The following FCRL3 variants were observed in gnomAD, a reference collection of about 807,000 sequenced individuals.
FCRL3 encodes Fc receptor like 3.
FCRL3 carries 89 observed loss-of-function variants against 75.0 expected under a neutral mutation model. The observed-to-expected ratio is 1.19, with a 90% CI of 1.00 to 1.42. FCRL3 has a LOEUF of 1.42. FCRL3 is among the 40% of genes most tolerant of loss of function. The probability of loss-of-function intolerance (pLI) is 0.00; values close to 1 mark genes in which losing one functional copy is unlikely to be tolerated. For missense variants in FCRL3, 946 were observed against 880.0 expected (o/e 1.07, Z -0.95); for synonymous variants, 376 against 348.5 (o/e 1.08, Z -0.88).
At chr1:157,688,670 G>A (rs1292428364) in intron 10 of FCRL3, among the ~76,000 whole-genome samples, 3 of 150,240 alleles carry the variant, frequency 2.0e-5, no homozygotes, top group African/African-American at 7.3e-5. Context: ...TGAAAATATG[G>A]CTATATAAAA....
intron 11 of FCRL3, 101 bp downstream of exon 11, chr1:157,683,116 C>T (rs1157401930): frequency 5.3e-6 from 7 of 1,313,574 alleles, no homozygotes; most frequent in South Asian, 1.4e-5. Flanking sequence ...CGTAAAAATG[C>T]TACTAGGAAA....
rs1178530244 is a variant in FCRL3, at chr1:157,696,229, A to G, written c.943T>C (p.Ser315Pro). The G allele has an allele frequency of 1.2e-6, 2 of 1,613,940 alleles. No homozygotes were observed. The highest frequency in any genetic ancestry group is 1.7e-6 in the Non-Finnish European group (2 of 1,179,998). ...TGCCAGGAGAATGTGACAGTCCCTG[A>G]ACCCTGGGCTACTGAGCAAATAAGG... ...MVLICSVAQGSGTVTFSWHKE... is the reference protein window; with the variant it reads ...MVLICSVAQGPGTVTFSWHKE... The change falls in exon 7 of 15, where the codon TCA becomes CCA. Residue 315 changes from serine (S) to proline (P), a missense_variant. By Grantham distance (74) the Ser-to-Pro change is moderately conservative. Transcript: ENST00000368184.
Position 157,691,168 on chromosome 1 carries a change from A to G in FCRL3, c.1412-635T>C, listed in dbSNP as rs571815766. Among the ~76,000 whole-genome samples the G allele has an allele frequency of 1.2e-3, 187 of 152,354 alleles. 1 individual carries two copies. The highest frequency in any genetic ancestry group is 0.01 in the Middle Eastern group (3 of 294). Reference sequence around the variant, plus strand: ...TTTATGCTCAATAATTGATGATTGAATGGAAAACTGAAGTGAACCAAACTG... The same window carrying G: ...TTTATGCTCAATAATTGATGATTGAGTGGAAAACTGAAGTGAACCAAACTG... On this transcript the variant is annotated intron_variant, in intron 8 of 14. Coordinates refer to ENST00000368184, the MANE Select transcript of FCRL3 (RefSeq NM_052939.4).
intron 7 of FCRL3, among the ~76,000 whole-genome samples, 176 bp from the exon 8 acceptor site, chr1:157,695,783 T>C (rs1405239550): frequency 6.6e-6 from 1 of 152,058 alleles, no homozygotes; most frequent in East Asian, 1.9e-4. Flanking sequence ...TGAGAGGTAA[T>C]CTTGGGTAGT....
chr1:157,685,562 C>T (rs1241749884), intron 10 of FCRL3, among the ~76,000 whole-genome samples: 2 of 152,110 alleles, frequency 1.3e-5, no homozygotes, highest in East Asian at 3.9e-4. Context: ...TGGACTTTGT[C>T]AGAAAACTGA....
At position 157,698,508 on chromosome 1, in the gene FCRL3, C is replaced by T; in HGVS notation, c.174G>A (p.Trp58Ter). ...SHSLAQGDTYWYHDEKLLKIK... is the reference protein window; with the variant it reads ...SHSLAQGDTY ...TTTTCAACAACTTCTCATCGTGATA[C>T]CAATATGTGTCTCCCTGGGCTAGGG... The change falls in exon 4 of 15, where the codon TGG (tryptophan) becomes TGA (stop). Residue 58 changes from tryptophan to a stop codon, truncating the protein, a stop_gained. Coordinates refer to ENST00000368184, the MANE Select transcript of FCRL3 (RefSeq NM_052939.4). LOFTEE classifies it high-confidence loss of function. The T allele has an allele frequency of 6.2e-7, 1 of 1,614,186 alleles. No homozygotes were observed. Among genetic ancestry groups the T allele is most frequent in the Non-Finnish European group, 8.5e-7 (1 of 1,180,016 alleles).
At chr1:157,684,204 G>A (rs533172152) in intron 10 of FCRL3, among the ~76,000 whole-genome samples, 13 of 152,220 alleles carry the variant, frequency 8.5e-5, no homozygotes, top group South Asian at 2.1e-4. Context: ...CGTCATCACC[G>A]AAATATTGAA....
chr1:157,692,891 G>A (rs1243242832), intron 8 of FCRL3, among the ~76,000 whole-genome samples: 1 of 152,126 alleles, frequency 6.6e-6, no homozygotes, highest in African/African-American at 2.4e-5. Flanking sequence ...GAAAATGTAA[G>A]TATGTCAACT....
chr1:157,682,305 C>T (rs371927788), intron 11 of FCRL3, among the ~76,000 whole-genome samples: 5,695 of 151,918 alleles, frequency 0.037, 340 homozygotes, highest in African/African-American at 0.13. Context: ...GTTTTAGACA[C>T]GAAGTCCTTG....
rs770643906 is a variant in FCRL3, at chr1:157,680,762, C to T, written c.1966G>A (p.Gly656Arg). 8.1e-6 allele frequency: 13 copies of T among 1,614,066 alleles called. No homozygotes were observed. The Admixed American group carries it at 2.0e-4, about 25-fold the overall frequency. The change falls in exon 13 of 15, where the codon GGA becomes AGA. Residue 656 changes from glycine to arginine, a missense_variant. By Grantham distance (125) the Gly-to-Arg change is moderately radical. Coordinates refer to ENST00000368184, the MANE Select transcript of FCRL3 (RefSeq NM_052939.4). ...TGGGAATAAATCGGGTTGCTATCTC[C>T]AGGATTTACTGTGAGAGAAGATATC... ...LEPMYSNVNPGDSNPIYSQIW... is the reference protein window; with the variant it reads ...LEPMYSNVNPRDSNPIYSQIW...
intron 8 of FCRL3, 97 bp downstream of exon 8, chr1:157,695,232 T>G: frequency 7.9e-7 from 1 of 1,267,638 alleles, no homozygotes; most frequent in Non-Finnish European, 1.1e-6. Context: ...GGGAAGTCTA[T>G]TGGGATATCA....
In FCRL3 at chr1:157,678,785, T is replaced by C; in HGVS notation, c.2130A>G (p.Arg710=). 6.2e-7 allele frequency: 1 copy of C among 1,614,140 alleles called. No individual in the cohort carries two copies. The highest frequency in any genetic ancestry group is 8.5e-7 in the Non-Finnish European group (1 of 1,180,018). The change falls in exon 15 of 15, where the codon AGA becomes AGG. Residue 710 remains arginine, a synonymous_variant. Transcript: ENST00000368184. ...CATCATCTTCTTCATGGGCCCTGCCTCTGCTGCTAGCCTCCCCTGCAGAGT... is the reference window on the plus strand; with the variant it reads ...CATCATCTTCTTCATGGGCCCTGCCCCTGCTGCTAGCCTCCCCTGCAGAGT... The part of the protein sequence containing the change: ...PDDSAGEASS[R]GRAHEEDDEE...
intron 8 of FCRL3, 129 bp from the exon 9 acceptor site, chr1:157,690,662 A>G: frequency 8.8e-7 from 1 of 1,138,878 alleles, no homozygotes; most frequent in Non-Finnish European, 1.2e-6. Flanking sequence ...CTGGGCTTCA[A>G]TCCTGTCTCT....
At chr1:157,692,864 A>G (rs1655639064) in intron 8 of FCRL3, among the ~76,000 whole-genome samples, 1 of 152,226 alleles carries the variant, frequency 6.6e-6, no homozygotes. Flanking sequence ...TTACATTTCT[A>G]TGTCGTCTTA....
chr1:157,688,648 A>G (rs1655323349), intron 10 of FCRL3, among the ~76,000 whole-genome samples: 1 of 151,982 alleles, frequency 6.6e-6, no homozygotes, highest in Admixed American at 6.6e-5. Context: ...GCAGAACAAA[A>G]TTGATACCAG....
chr1:157,695,229 C>T, intron 8 of FCRL3, 100 bp downstream of exon 8: 1 of 1,246,396 alleles, frequency 8.0e-7, no homozygotes, highest in African/African-American at 1.5e-5. Context: ...AGTGGGAAGT[C>T]TATTGGGATA....
chr1:157,680,619 T>C, intron 13 of FCRL3, 83 bp downstream of exon 13: 2 of 1,195,074 alleles, frequency 1.7e-6, no homozygotes, highest in Middle Eastern at 3.9e-4. Context: ...GGCTTGTATT[T>C]GAAATAACTC....
At chr1:157,685,976 C>A (rs997152017) in intron 10 of FCRL3, among the ~76,000 whole-genome samples, 4 of 152,048 alleles carry the variant, frequency 2.6e-5, no homozygotes, top group African/African-American at 9.7e-5. Context: ...CTAGCCAGAG[C>A]AACCAGGCAA....
intron 9 of FCRL3, 70 bp from the exon 10 acceptor site, chr1:157,689,987 G>A: frequency 6.3e-7 from 1 of 1,594,474 alleles, no homozygotes; most frequent in Non-Finnish European, 8.6e-7. Flanking sequence ...CATGCAAGTA[G>A]GGTGAGTGTG....
Sources: allele counts gnomAD v4.1 joint callset (sites outside exome capture counted in the v4.1 genomes callset), GRCh38; gene constraint gnomAD v4.1.1; transcripts MANE v1.5; gene names NCBI Gene and HGNC (gene_info 2026-07-23, HGNC 2026-07-21).